The following ROCK1 variants were observed in gnomAD, a reference collection of about 807,000 sequenced individuals.
The protein encoded by ROCK1 is Rho associated coiled-coil containing protein kinase 1, also known as rho-associated protein kinase 1.
A neutral mutation model predicts 196.8 loss-of-function variants in ROCK1; 36 were observed. That is an observed-to-expected ratio of 0.18 (90% CI 0.14 to 0.24). The LOEUF (loss-of-function observed/expected upper bound fraction) is 0.24, where lower values mean the gene tolerates loss of function less well. Among genes scored for constraint, ROCK1 ranks in the 10% least tolerant of loss-of-function variants. The pLI is 1.00. For missense variants in ROCK1, 920 were observed against 1,562.0 expected (o/e 0.59, Z 6.93); for synonymous variants, 443 against 515.9 (o/e 0.86, Z 1.91).
chr18:21,079,696 C>A (rs2036466449), intron 1 of ROCK1, among the ~76,000 whole-genome samples: 1 of 152,118 alleles, frequency 6.6e-6, no homozygotes, highest in Non-Finnish European at 1.5e-5. Context: ...GGGAACTACT[C>A]CCTGTGGGTT....
chr18:20,997,438 G>C (rs1176202039), intron 16 of ROCK1, among the ~76,000 whole-genome samples: 1 of 152,174 alleles, frequency 6.6e-6, no homozygotes, highest in Non-Finnish European at 1.5e-5. Context: ...AATTCAGCAA[G>C]AGAATATAAC....
At chr18:21,068,556 A>C (rs2036356829) in intron 2 of ROCK1, among the ~76,000 whole-genome samples, 1 of 152,198 alleles carries the variant, frequency 6.6e-6, no homozygotes, top group Non-Finnish European at 1.5e-5. Flanking sequence ...AGATCAATTA[A>C]TTTGGGGACT....
intron 2 of ROCK1, among the ~76,000 whole-genome samples, chr18:21,051,667 C>T (rs1419790762): frequency 6.6e-6 from 1 of 152,086 alleles, no homozygotes; most frequent in African/African-American, 2.4e-5. Context: ...TACCGAAAAC[C>T]GTTTTCACAT....
chr18:20,961,736 T>C (rs1224961293), intron 27 of ROCK1, among the ~76,000 whole-genome samples: 1 of 151,978 alleles, frequency 6.6e-6, no homozygotes, highest in Admixed American at 6.6e-5. Context: ...TTCCTCTTCA[T>C]ATAAATTGTT....
At chr18:21,045,871 T>C (rs1177027600) in intron 4 of ROCK1, among the ~76,000 whole-genome samples, 2 of 151,602 alleles carry the variant, frequency 1.3e-5, no homozygotes, top group Admixed American at 6.6e-5. Context: ...CAAGAAGTCT[T>C]TGATAAATTT....
intron 2 of ROCK1, among the ~76,000 whole-genome samples, chr18:21,066,203 C>G (rs1324962569): frequency 6.6e-6 from 1 of 151,872 alleles, no homozygotes; most frequent in Non-Finnish European, 1.5e-5. Flanking sequence ...AAACACAATG[C>G]CAGTAATTGA....
At position 20,949,118 on chromosome 18, in the gene ROCK1, C is replaced by T. The variant is rs1211227057; in HGVS notation, c.*2266G>A. 1.3e-5 allele frequency: 2 copies of T among 152,212 alleles called. No homozygotes were observed. The highest frequency in any genetic ancestry group is 1.5e-5 in the Non-Finnish European group (1 of 68,062). 9.4% of individuals were successfully genotyped at this position (152,212 alleles called of 1,614,324 possible). On this transcript the variant is annotated 3_prime_UTR_variant, in exon 33 of 33. Coordinates refer to ENST00000399799, the MANE Select transcript of ROCK1 (RefSeq NM_005406.3). ...GATTCCTCAAAGCTCTCTCAGTTCT[C>T]AACAATTCTAAGTTCAGATTAGTAT...
At chr18:21,031,153 AG>A (rs960309818) in intron 9 of ROCK1, among the ~76,000 whole-genome samples, 1 of 152,234 alleles carries the variant, frequency 6.6e-6, no homozygotes, top group Non-Finnish European at 1.5e-5. Context: ...TGGGGGAAAG[AG>A]GAAGAATCTG....
chr18:21,045,372 C>G lies in ROCK1; in HGVS notation c.510G>C (p.Val170=), dbSNP rs1392113494. 2 of 1,613,770 alleles carry G rather than the reference C, an allele frequency of 1.2e-6. No homozygotes were observed. Among genetic ancestry groups the G allele is most frequent in the Non-Finnish European group, 1.7e-6 (2 of 1,179,922 alleles). ...DLVNLMSNYD[V]PEKWARFYTA... ...TATAGAATCGTGCCCATTTTTCAGG[C>G]ACATCATAGTTGCTCATTAAGTTTA... The change falls in exon 5 of 33, where the codon GTG becomes GTC. Residue 170 remains valine (V), a synonymous_variant. Transcript: ENST00000399799.
intron 16 of ROCK1, among the ~76,000 whole-genome samples, chr18:20,996,252 G>T (rs1334560659): frequency 6.6e-6 from 1 of 152,094 alleles, no homozygotes; most frequent in African/African-American, 2.4e-5. Flanking sequence ...CTGAAATTCC[G>T]GAGTTGAAAA....
intron 1 of ROCK1, among the ~76,000 whole-genome samples, chr18:21,090,843 T>G (rs1413584454): frequency 6.8e-6 from 1 of 147,272 alleles, no homozygotes; most frequent in African/African-American, 2.4e-5. Flanking sequence ...AGAGCTTACA[T>G]GTAAGAGCAT....
intron 2 of ROCK1, among the ~76,000 whole-genome samples, chr18:21,053,238 G>C (rs1221012798): frequency 6.6e-6 from 1 of 151,380 alleles, no homozygotes; most frequent in Non-Finnish European, 1.5e-5. Context: ...TGCTAGGCTA[G>C]TGAATAAACC....
chr18:20,975,287 A>C (rs1323220757), intron 22 of ROCK1, among the ~76,000 whole-genome samples: 2 of 152,206 alleles, frequency 1.3e-5, no homozygotes, highest in Non-Finnish European at 2.9e-5. Context: ...GACCTGGAGA[A>C]GGGCCAAGGA....
chr18:20,958,262 T>C (rs1199424730), intron 29 of ROCK1, among the ~76,000 whole-genome samples: 1 of 152,080 alleles, frequency 6.6e-6, no homozygotes, highest in Non-Finnish European at 1.5e-5. Flanking sequence ...AGAACTTGCT[T>C]AATTCTTTTC....
chr18:21,045,024 GTTTT>G (rs74173710), intron 5 of ROCK1: 19,862 of 153,150 alleles, frequency 0.13, 3,357 homozygotes, highest in African/African-American at 0.41. Context: ...CCACACCTGT[GTTTT>G]TTTTTTTTTT....
chr18:21,017,994 A>T lies in ROCK1; in HGVS notation c.1361+2157T>A, dbSNP rs148172724. Among the ~76,000 whole-genome samples the T allele has an allele frequency of 3.6e-3, 541 of 152,104 alleles. 3 individuals are homozygous for T. The highest frequency in any genetic ancestry group is 3.2e-3 in the Non-Finnish European group (218 of 67,990). Reference sequence around the variant, plus strand: ...CCTCAAAAAAAATAAAAACAAAAAAAAAATAAATAAAATAAAGAAATGCAA... The same window carrying T: ...CCTCAAAAAAAATAAAAACAAAAAATAAATAAATAAAATAAAGAAATGCAA... On this transcript the variant is annotated intron_variant, in intron 12 of 32. Coordinates refer to ENST00000399799, the MANE Select transcript of ROCK1 (RefSeq NM_005406.3).
intron 1 of ROCK1, among the ~76,000 whole-genome samples, chr18:21,098,182 G>A (rs1407040377): frequency 6.6e-6 from 1 of 152,142 alleles, no homozygotes; most frequent in Non-Finnish European, 1.5e-5. Flanking sequence ...AAGCTGAAGA[G>A]ATATTAGAAA....
At chr18:20,975,633 G>C (rs1355597010) in intron 22 of ROCK1, among the ~76,000 whole-genome samples, 2 of 151,448 alleles carry the variant, frequency 1.3e-5, no homozygotes, top group Non-Finnish European at 2.9e-5. Context: ...CTTTTTTTGA[G>C]ACAGTCTCAC....
intron 2 of ROCK1, among the ~76,000 whole-genome samples, chr18:21,062,228 A>G (rs2036297623): frequency 6.6e-6 from 1 of 152,146 alleles, no homozygotes; most frequent in African/African-American, 2.4e-5. Flanking sequence ...GAGGGAAAAT[A>G]TAAGATGAGC....
Sources: allele counts gnomAD v4.1 joint callset (sites outside exome capture counted in the v4.1 genomes callset), GRCh38; gene constraint gnomAD v4.1.1; transcripts MANE v1.5; gene names NCBI Gene and HGNC (gene_info 2026-07-23, HGNC 2026-07-21).